Variants in MIS18BP1 observed in about 807,000 individuals in gnomAD.
MIS18BP1 encodes MIS18 binding protein 1.
In MIS18BP1, 72 loss-of-function variants were observed where a neutral mutation model predicts 116.1. The ratio of observed to expected loss-of-function variants is 0.62; its 90% CI spans 0.51 to 0.75. MIS18BP1 has a LOEUF of 0.75. Ranked by LOEUF, MIS18BP1 falls within the 30% of genes least tolerant of loss-of-function variation. The pLI is 0.00. For synonymous variants in MIS18BP1, 386 were observed against 427.0 expected (o/e 0.90, Z 1.18); for missense variants, 1,363 against 1,303.2 (o/e 1.05, Z -0.71).
intron 8 of MIS18BP1, 32 bp downstream of exon 8, chr14:45,231,109 T>C (rs1276310714): frequency 1.2e-6 from 2 of 1,603,030 alleles, no homozygotes; most frequent in East Asian, 2.2e-5. Context: ...ACTTAACCAC[T>C]GTACCAACAG....
At chr14:45,208,676 T>C (rs2139141768) in intron 14 of MIS18BP1, among the ~76,000 whole-genome samples, 1 of 152,260 alleles carries the variant, frequency 6.6e-6, no homozygotes, top group South Asian at 2.1e-4. Flanking sequence ...TCAAAGTGCT[T>C]ATCAAAAAAT....
At chr14:45,210,608 G>A in intron 13 of MIS18BP1, 80 bp from the exon 14 acceptor site, 2 of 1,534,548 alleles carry the variant, frequency 1.3e-6, no homozygotes, top group South Asian at 2.3e-5. Flanking sequence ...TTGGAGGACT[G>A]ATAAGTTGGT....
intron 4 of MIS18BP1, among the ~76,000 whole-genome samples, chr14:45,240,442 C>T (rs1203317997): frequency 6.6e-6 from 1 of 151,872 alleles, no homozygotes; most frequent in Non-Finnish European, 1.5e-5. Flanking sequence ...TTTCAATTGC[C>T]CCCTCAATTT....
chr14:45,237,142 G>A (rs188971050), intron 5 of MIS18BP1, among the ~76,000 whole-genome samples: 42 of 151,798 alleles, frequency 2.8e-4, no homozygotes, highest in African/African-American at 9.7e-4. Context: ...GGTGCTAATA[G>A]AGTAGCAGAA....
chr14:45,205,332 T>C (rs1037946806), intron 15 of MIS18BP1, among the ~76,000 whole-genome samples: 1 of 152,154 alleles, frequency 6.6e-6, no homozygotes, highest in African/African-American at 2.4e-5. Flanking sequence ...CTCAAGTAAC[T>C]TGCTCAGTGT....
chr14:45,207,528 G>A (rs1201820339), intron 14 of MIS18BP1, among the ~76,000 whole-genome samples: 2 of 152,194 alleles, frequency 1.3e-5, no homozygotes, highest in East Asian at 1.9e-4. Flanking sequence ...GCATGCGCCT[G>A]TAATCCCTGC....
Position 45,224,356 on chromosome 14 carries a change from T to C in MIS18BP1, c.2231A>G (p.Asn744Ser), listed in dbSNP as rs1891063035. Residue 744 changes from asparagine (N) to serine (S), a missense_variant, in exon 11 of 17, where the codon AAT becomes AGT. Asn to Ser is a conservative substitution (Grantham distance 46, BLOSUM62 1). Transcript: ENST00000310806. ...CTTCAATTTTGGTAATAGTCTGGTA[T>C]TTTTCTTAAAGTCAGAGGTGAGCAT... ...EQMLTSDFKK[N>S]TRLLPKLKKI... The C allele has an allele frequency of 6.2e-7, 1 of 1,613,604 alleles. No homozygotes were observed. The highest frequency in any genetic ancestry group is 8.5e-7 in the Non-Finnish European group (1 of 1,179,886).
chr14:45,237,415 A>G (rs539259821), intron 5 of MIS18BP1, among the ~76,000 whole-genome samples: 3 of 152,174 alleles, frequency 2.0e-5, no homozygotes, highest in Non-Finnish European at 4.4e-5. Context: ...AAACCACTAT[A>G]CAAATTTGAA....
intron 1 of MIS18BP1, among the ~76,000 whole-genome samples, chr14:45,252,558 C>T (rs1891906511): frequency 6.6e-6 from 1 of 152,144 alleles, no homozygotes; most frequent in Non-Finnish European, 1.5e-5. Flanking sequence ...CCTCGGCCTC[C>T]CAAAGTGTGG....
chr14:45,207,713 A>T (rs1450802846), intron 14 of MIS18BP1, among the ~76,000 whole-genome samples: 1 of 152,226 alleles, frequency 6.6e-6, no homozygotes, highest in Admixed American at 6.5e-5. Context: ...TCTATTATCA[A>T]AGAGATGTCT....
At chr14:45,240,352 A>C (rs764383949) in intron 4 of MIS18BP1, among the ~76,000 whole-genome samples, 4 of 152,218 alleles carry the variant, frequency 2.6e-5, no homozygotes, top group African/African-American at 4.8e-5. Context: ...ACACTTCTTT[A>C]GAAAGACATT....
rs1271364402 is a variant in MIS18BP1 at position 45,246,890 on chromosome 14, T to A, written c.397A>T (p.Asn133Tyr). 6.2e-7 allele frequency: 1 copy of A among 1,612,714 alleles called. No individual in the cohort carries two copies. Among genetic ancestry groups the A allele is most frequent in the African/African-American group, 1.3e-5 (1 of 74,816 alleles). Reference protein sequence around the residue: ...LRDKQEQPSRNSSLLEPQKSG... With the variant: ...LRDKQEQPSRYSSLLEPQKSG... ...TTCTGTGGTTCCAACAAACTACTGT[T>A]TCTTGATGGCTGTTCTTGCTTGTCA... The change falls in exon 2 of 17, where the codon AAC becomes TAC. Residue 133 changes from asparagine (N) to tyrosine (Y), a missense_variant. Physicochemically the swap from Asn to Tyr is moderately radical, Grantham distance 143. Coordinates refer to ENST00000310806, the MANE Select transcript of MIS18BP1 (RefSeq NM_018353.5).
intron 6 of MIS18BP1, 54 bp from the exon 7 acceptor site, chr14:45,232,874 A>T (rs1891327872): frequency 1.2e-6 from 1 of 830,576 alleles, no homozygotes; most frequent in Non-Finnish European, 2.0e-6. Flanking sequence ...AATTTTAAAC[A>T]GATATCATTA....
At position 45,247,622 on chromosome 14, in the gene MIS18BP1, C is replaced by T. The variant is rs371157707; in HGVS notation, c.-91-245G>A. 2.0e-5 allele frequency among the ~76,000 whole-genome samples: 3 copies of T among 152,010 alleles called. No individual in the cohort carries two copies. The South Asian group carries it at 6.2e-4, about 32-fold the overall frequency. ...GGCTGAGCAGGGAGGATCACTTGAG[C>T]CTGGGAGGTCAAGGCCACAGTGAGT... On this transcript the variant is annotated intron_variant, in intron 1 of 16. Transcript: ENST00000310806.
At chr14:45,231,728 T>C (rs564872333) in intron 7 of MIS18BP1, among the ~76,000 whole-genome samples, 1 of 152,220 alleles carries the variant, frequency 6.6e-6, no homozygotes, top group South Asian at 2.1e-4. Context: ...GCAAGAATAT[T>C]ATCTTTACAG....
At chr14:45,235,667 T>C (rs1891408531) in intron 6 of MIS18BP1, 147 bp downstream of exon 6, 5 of 546,826 alleles carry the variant, frequency 9.1e-6, no homozygotes, top group African/African-American at 7.9e-5. Flanking sequence ...GAAAAAAAAT[T>C]ACCAGTTTTA....
In MIS18BP1 at chr14:45,218,405, C is replaced by T. The variant is rs1247761008; in HGVS notation, c.2719G>A (p.Ala907Thr). ...GGAGATCGAGAACCTACAGCCGCAG[C>T]TACCTCTGACCAGAAACCAGGTTTG... ...KHKPGFWSEV[A>T]AAVGSRSPEE... The change falls in exon 12 of 17, where the codon GCT becomes ACT. Residue 907 changes from alanine to threonine, a missense_variant. By Grantham distance (58) the Ala-to-Thr change is moderately conservative. Transcript: ENST00000310806. 1 of 1,613,760 alleles carries T rather than the reference C, an allele frequency of 6.2e-7. No homozygotes were observed. The highest frequency in any genetic ancestry group is 1.7e-5 in the Admixed American group (1 of 59,876).
intron 11 of MIS18BP1, among the ~76,000 whole-genome samples, chr14:45,218,956 TCTTA>T (rs1468323551): frequency 6.6e-6 from 1 of 152,104 alleles, no homozygotes; most frequent in African/African-American, 2.4e-5. Context: ...ATATATGCTC[TCTTA>T]ATTAAGGAAA....
intron 6 of MIS18BP1, among the ~76,000 whole-genome samples, chr14:45,234,225 G>GAAA (rs1219633937): frequency 7.7e-6 from 1 of 129,440 alleles, no homozygotes. Flanking sequence ...GAGAATTCAA[G>GAAA]AAAAAAAAAA....
Sources: allele counts gnomAD v4.1 joint callset (sites outside exome capture counted in the v4.1 genomes callset), GRCh38; gene constraint gnomAD v4.1.1; transcripts MANE v1.5; gene names NCBI Gene and HGNC (gene_info 2026-07-23, HGNC 2026-07-21).